The following GRIP1 variants were observed in gnomAD, a reference collection of about 807,000 sequenced individuals.
GRIP1 encodes the protein glutamate receptor interacting protein 1, also known as glutamate receptor-interacting protein 1.
A neutral mutation model predicts 129.9 loss-of-function variants in GRIP1; 45 were observed. That is an observed-to-expected ratio of 0.35 (90% CI 0.27 to 0.44). The LOEUF is 0.44. Ranked by LOEUF, GRIP1 falls within the 20% of genes least tolerant of loss-of-function variation. GRIP1 has a pLI of 1.00. For missense variants in GRIP1, 1,196 were observed against 1,396.8 expected, an observed-to-expected ratio of 0.86 and a Z score of 2.29; for synonymous variants, 530 against 520.8, an observed-to-expected ratio of 1.02 and a Z score of -0.24.
intron 1 of GRIP1, among the ~76,000 whole-genome samples, chr12:67,003,320 T>C (rs2042579427): frequency 6.6e-6 from 1 of 152,222 alleles, no homozygotes; most frequent in Non-Finnish European, 1.5e-5. Flanking sequence ...TCATTTATAG[T>C]ATTAATACTT....
intron 17 of GRIP1, among the ~76,000 whole-genome samples, chr12:66,393,342 C>A (rs1195168907): frequency 6.6e-6 from 1 of 151,914 alleles, no homozygotes; most frequent in Non-Finnish European, 1.5e-5. Context: ...CCATCCCCAG[C>A]TAATTTTTCT....
At chr12:66,684,382 C>T (rs2034700880) in intron 1 of GRIP1, among the ~76,000 whole-genome samples, 1 of 152,164 alleles carries the variant, frequency 6.6e-6, no homozygotes, top group African/African-American at 2.4e-5. Context: ...TTCCTGTTCT[C>T]ATGCCTCTTC....
intron 2 of GRIP1, among the ~76,000 whole-genome samples, chr12:66,584,992 C>T (rs1014824632): frequency 4.6e-5 from 7 of 152,048 alleles, no homozygotes; most frequent in South Asian, 2.1e-4. Flanking sequence ...CCTTCCCTCC[C>T]GCTGACCCGT....
At chr12:66,406,823 A>G (rs2057209210) in intron 15 of GRIP1, among the ~76,000 whole-genome samples, 1 of 152,188 alleles carries the variant, frequency 6.6e-6, no homozygotes, top group Non-Finnish European at 1.5e-5. Context: ...TAAGAGAATG[A>G]CAGAAGGCAA....
intron 1 of GRIP1, among the ~76,000 whole-genome samples, chr12:66,661,407 G>A (rs1384480476): frequency 7.0e-6 from 1 of 143,050 alleles, no homozygotes; most frequent in Admixed American, 7.1e-5. Context: ...ACAACAAAAA[G>A]TTGGCTCTGA....
chr12:66,786,768 G>A (rs2038359867), intron 1 of GRIP1, among the ~76,000 whole-genome samples: 1 of 152,148 alleles, frequency 6.6e-6, no homozygotes, highest in Non-Finnish European at 1.5e-5. Context: ...TTATCGAGAG[G>A]AGCCTTGAGC....
At chr12:66,556,056 A>G (rs2062320109) in intron 2 of GRIP1, among the ~76,000 whole-genome samples, 2 of 152,194 alleles carry the variant, frequency 1.3e-5, no homozygotes, top group South Asian at 4.1e-4. Context: ...AAATATATCA[A>G]TATTTAAGTA....
chr12:66,911,088 C>T (rs181830909), intron 1 of GRIP1, among the ~76,000 whole-genome samples: 2 of 152,338 alleles, frequency 1.3e-5, no homozygotes, highest in Admixed American at 1.3e-4. Context: ...CCTCAAGGGG[C>T]TCTCCCTGGA....
intron 1 of GRIP1, among the ~76,000 whole-genome samples, chr12:66,698,659 G>C (rs2035246710): frequency 6.6e-6 from 1 of 151,894 alleles, no homozygotes; most frequent in Admixed American, 6.6e-5. Context: ...TAATAGTCTG[G>C]CCCCCCACCT....
Position 66,353,653 on chromosome 12 carries a change from T to TTA in GRIP1, c.3013-92_3013-91dup. ...TGATGAACAATCTTTTCACACGAAT[T>TTA]TAGTCACATCATGATTTGTAATATC... On this transcript the variant is annotated intron_variant, in intron 23 of 24. Transcript: ENST00000359742. 7.9e-6 allele frequency: 9 copies of TTA among 1,144,660 alleles called. No homozygotes were observed. The South Asian group carries it at 1.1e-4, about 14-fold the overall frequency. The allele number at this position is 1,144,660 out of a possible 1,614,324, so 70.9% of individuals were successfully genotyped here.
intron 1 of GRIP1, among the ~76,000 whole-genome samples, chr12:66,979,222 TAAAAA>T (rs35306665): frequency 0.011 from 464 of 41,386 alleles, 3 homozygotes; most frequent in African/African-American, 0.032. Context: ...CTTCTCTTCT[TAAAAA>T]AAAAAAAAAA....
intron 7 of GRIP1, among the ~76,000 whole-genome samples, chr12:66,507,923 A>T (rs1218367457): frequency 6.6e-6 from 1 of 152,162 alleles, no homozygotes; most frequent in East Asian, 1.9e-4. Context: ...GATGGGTGCT[A>T]CCATGCCTAG....
intron 1 of GRIP1, among the ~76,000 whole-genome samples, chr12:66,698,184 C>T (rs1294907463): frequency 3.3e-5 from 5 of 152,156 alleles, no homozygotes; most frequent in African/African-American, 9.7e-5. Context: ...TCTCAAAATT[C>T]TTCTCTTCAA....
chr12:66,509,829 A>G (rs2060643662), intron 7 of GRIP1, among the ~76,000 whole-genome samples: 1 of 152,152 alleles, frequency 6.6e-6, no homozygotes, highest in Non-Finnish European at 1.5e-5. Context: ...ATCAGGAAGA[A>G]TAGCTACTGG....
At chr12:66,570,325 C>T (rs1223743129) in intron 2 of GRIP1, among the ~76,000 whole-genome samples, 2 of 152,108 alleles carry the variant, frequency 1.3e-5, no homozygotes, top group Non-Finnish European at 2.9e-5. Context: ...GTTATTTGCT[C>T]AGGCCAGTCT....
intron 2 of GRIP1, among the ~76,000 whole-genome samples, chr12:66,555,669 T>A (rs541436480): frequency 6.6e-6 from 1 of 152,234 alleles, no homozygotes; most frequent in South Asian, 2.1e-4. Flanking sequence ...AAATTTAAGA[T>A]AATACAGTGA....
chr12:66,943,711 A>T (rs894172900), intron 1 of GRIP1, among the ~76,000 whole-genome samples: 4 of 152,198 alleles, frequency 2.6e-5, no homozygotes, highest in Non-Finnish European at 5.9e-5. Flanking sequence ...GGACCATAGA[A>T]TAGTTGGAAA....
chr12:66,882,866 A>C (rs1195292932), intron 1 of GRIP1, among the ~76,000 whole-genome samples: 1 of 152,186 alleles, frequency 6.6e-6, no homozygotes, highest in African/African-American at 2.4e-5. Context: ...CAAGGCAGCC[A>C]AGGCTGCTTT....
intron 1 of GRIP1, among the ~76,000 whole-genome samples, chr12:66,881,372 G>T (rs912495380): frequency 3.9e-5 from 6 of 152,154 alleles, no homozygotes; most frequent in Non-Finnish European, 8.8e-5. Flanking sequence ...AGCTGAAGCT[G>T]CTAATTGGCT....
Sources: allele counts gnomAD v4.1 joint callset (sites outside exome capture counted in the v4.1 genomes callset), GRCh38; gene constraint gnomAD v4.1.1; transcripts MANE v1.5; gene names NCBI Gene and HGNC (gene_info 2026-07-23, HGNC 2026-07-21).